Variants in TRPM3 observed in about 807,000 individuals in gnomAD.
The protein encoded by TRPM3 is long transient receptor potential channel 3.
TRPM3 carries 77 observed loss-of-function variants against 181.2 expected under a neutral mutation model. The ratio of observed to expected loss-of-function variants is 0.42; its 90% CI spans 0.35 to 0.51. The LOEUF is 0.51. Ranked by LOEUF, TRPM3 falls within the 20% of genes least tolerant of loss-of-function variation. The pLI, the probability that TRPM3 is intolerant of heterozygous loss-of-function variation, is 0.01. For synonymous variants in TRPM3, 745 were observed against 796.4 expected, an observed-to-expected ratio of 0.94 and a Z score of 1.09; for missense variants, 1,759 against 2,196.7, an observed-to-expected ratio of 0.80 and a Z score of 3.98.
intron 1 of TRPM3, among the ~76,000 whole-genome samples, chr9:71,100,719 T>A (rs2068198292): frequency 6.6e-6 from 1 of 152,198 alleles, no homozygotes; most frequent in Non-Finnish European, 1.5e-5. Context: ...TCTTTGAAGA[T>A]GAAGTTCACT....
At chr9:70,918,648 C>T (rs772819155) in intron 1 of TRPM3, among the ~76,000 whole-genome samples, 2 of 151,952 alleles carry the variant, frequency 1.3e-5, no homozygotes, top group African/African-American at 4.8e-5. Flanking sequence ...TACCTTTAAA[C>T]GCCTATGTCA....
In TRPM3 at chr9:71,388,601, C is replaced by A. The variant is rs1408499490; in HGVS notation, c.183+58052G>T. ...ATACTCCTCCCAGTCCTACCTATTT[C>A]AGCCTTGAGAATAGTTGACAGAGTA... On this transcript the variant is annotated intron_variant, in intron 1 of 24. Transcript: ENST00000357533. Among the ~76,000 whole-genome samples, 8 of 152,234 alleles carry A rather than the reference C, an allele frequency of 5.3e-5. 1 individual carries two copies. The highest frequency in any genetic ancestry group is 1.9e-4 in the African/African-American group (8 of 41,554).
intron 1 of TRPM3, among the ~76,000 whole-genome samples, chr9:71,433,893 C>T (rs570357960): frequency 2.0e-5 from 3 of 152,324 alleles, no homozygotes; most frequent in East Asian, 3.9e-4. Flanking sequence ...CGGTGACTCA[C>T]ATCTGTAATC....
chr9:71,367,696 T>TA (rs1047515535), intron 1 of TRPM3, among the ~76,000 whole-genome samples: 29 of 152,136 alleles, frequency 1.9e-4, no homozygotes, highest in Non-Finnish European at 3.8e-4. Context: ...GAGGATGCAT[T>TA]AAAGGCAAAA....
intron 1 of TRPM3, among the ~76,000 whole-genome samples, chr9:71,149,571 T>C (rs575921112): frequency 5.3e-5 from 8 of 152,252 alleles, no homozygotes; most frequent in Admixed American, 3.3e-4. Flanking sequence ...CACAGGTACA[T>C]GTGAGTTAAA....
Position 71,121,269 on chromosome 9 carries a change from AC to A in TRPM3, c.85del (p.Val29SerfsTer2). 6.2e-7 allele frequency: 1 copy of A among 1,613,974 alleles called. No individual in the cohort carries two copies. The highest frequency in any genetic ancestry group is 8.5e-7 in the Non-Finnish European group (1 of 1,179,970). The part of the protein sequence containing the change: ...FLFSWWNLEG[V>X]MNQADAPRPL... ...TCGAGGAGCATCAGCCTGATTCATG[AC>A]CCCTTCCAAATTCCACCAGGAAAAC... On this transcript the variant is annotated frameshift_variant, in exon 1 of 26. Coordinates refer to ENST00000677713, the MANE Select transcript of TRPM3 (RefSeq NM_001366145.2). LOFTEE classifies it high-confidence loss of function.
chr9:71,394,676 T>C (rs1454344064), intron 1 of TRPM3, among the ~76,000 whole-genome samples: 1 of 152,232 alleles, frequency 6.6e-6, no homozygotes, highest in East Asian at 1.9e-4. Context: ...GATCTGCCTA[T>C]GTCACACAAT....
chr9:70,784,345 A>G, intron 6 of TRPM3, 66 bp from the exon 7 acceptor site: 1 of 1,466,452 alleles, frequency 6.8e-7, no homozygotes. Context: ...AAACCAAAGA[A>G]ACAAAAAGAG....
intron 1 of TRPM3, among the ~76,000 whole-genome samples, chr9:71,208,615 A>G (rs900059515): frequency 6.6e-6 from 1 of 152,206 alleles, no homozygotes; most frequent in African/African-American, 2.4e-5. Context: ...AAGTCAATCA[A>G]AATAAAATAT....
intron 1 of TRPM3, among the ~76,000 whole-genome samples, chr9:70,921,899 G>A (rs2096657304): frequency 6.8e-6 from 1 of 146,300 alleles, no homozygotes; most frequent in South Asian, 2.2e-4. Flanking sequence ...GGAGCTTTAA[G>A]ATGGGTTGGC....
At chr9:71,128,066 T>A (rs2074155197) in intron 1 of TRPM3, among the ~76,000 whole-genome samples, 2 of 152,156 alleles carry the variant, frequency 1.3e-5, no homozygotes. Context: ...CAAAACACCT[T>A]CATCTCCTCC....
At chr9:71,351,556 A>G (rs1048131113) in intron 1 of TRPM3, among the ~76,000 whole-genome samples, 3 of 152,206 alleles carry the variant, frequency 2.0e-5, no homozygotes, top group African/African-American at 7.2e-5. Flanking sequence ...TAAATAAATC[A>G]TTGTCTTTTT....
chr9:71,139,256 C>A (rs779024562), intron 1 of TRPM3, among the ~76,000 whole-genome samples: 24 of 152,126 alleles, frequency 1.6e-4, no homozygotes, highest in Non-Finnish European at 1.6e-4. Context: ...AAAGAGTACA[C>A]ACAGCAATGG....
chr9:70,750,077 C>G (rs2075861326), intron 8 of TRPM3, among the ~76,000 whole-genome samples: 1 of 152,180 alleles, frequency 6.6e-6, no homozygotes, highest in South Asian at 2.1e-4. Flanking sequence ...TATATAACAG[C>G]TTTCACCAAC....
intron 1 of TRPM3, among the ~76,000 whole-genome samples, chr9:71,137,569 A>C (rs1461590486): frequency 1.3e-5 from 2 of 152,138 alleles, no homozygotes; most frequent in Non-Finnish European, 2.9e-5. Context: ...TAATTATCTT[A>C]ATCTTTTTCC....
At chr9:70,686,007 A>T (rs1327891942) in intron 8 of TRPM3, among the ~76,000 whole-genome samples, 2 of 151,170 alleles carry the variant, frequency 1.3e-5, no homozygotes, top group Non-Finnish European at 2.9e-5. Flanking sequence ...ATACATATAT[A>T]TGTTTATATG....
chr9:71,446,858 G>A (rs1247010257), upstream of TRPM3: 15 of 1,528,050 alleles, frequency 9.8e-6, no homozygotes, highest in East Asian at 1.5e-4. Flanking sequence ...TCCCTCGGCC[G>A]GGAAACAGCC....
chr9:70,679,122 G>C (rs1426632898), intron 9 of TRPM3, among the ~76,000 whole-genome samples: 1 of 152,128 alleles, frequency 6.6e-6, no homozygotes, highest in East Asian at 1.9e-4. Context: ...TCATTAGTAG[G>C]TTGTGAAATC....
At chr9:71,287,637 G>GA (rs34955327) in intron 1 of TRPM3, among the ~76,000 whole-genome samples, 25,988 of 125,796 alleles carry the variant, frequency 0.21, 2,491 homozygotes, top group Non-Finnish European at 0.25. Context: ...CATTTACTCA[G>GA]AAAAAAAAAA....
Sources: allele counts gnomAD v4.1 joint callset (sites outside exome capture counted in the v4.1 genomes callset), GRCh38; gene constraint gnomAD v4.1.1; transcripts MANE v1.5; gene names NCBI Gene and HGNC (gene_info 2026-07-23, HGNC 2026-07-21).